The following CLPB variants were observed in gnomAD, a reference collection of about 807,000 sequenced individuals.
CLPB encodes the protein ClpB family mitochondrial disaggregase, also known as mitochondrial disaggregase.
A neutral mutation model predicts 78.4 loss-of-function variants in CLPB; 40 were observed. That is an observed-to-expected ratio of 0.51 (90% confidence interval 0.40 to 0.66). The LOEUF is 0.66. CLPB is among the 30% of genes least tolerant of loss of function. The pLI is 0.00. For synonymous variants in CLPB, 333 were observed against 348.0 expected (o/e 0.96, Z 0.48); for missense variants, 780 against 886.9 (o/e 0.88, Z 1.53).
At position 72,286,447 on chromosome 11, in the gene CLPB, T is replaced by A. The variant is rs1590744946; in HGVS notation, c.*6920A>T. ...AAACAATACAAAGAATTCATGTACA[T>A]CATTCCCTCAGATTTCCCAAATGTT... is the stretch of plus-strand genomic sequence containing the variant. On this transcript the variant is annotated 3_prime_UTR_variant, in exon 16 of 16. Coordinates refer to ENST00000538039, the MANE Select transcript of CLPB (RefSeq NM_001258392.3). 6.6e-6 allele frequency: 1 copy of A among 151,638 alleles called. No individual in the cohort carries two copies. Among genetic ancestry groups the A allele is most frequent in the African/African-American group, 2.4e-5 (1 of 41,272 alleles). 9.4% of individuals were successfully genotyped at this position (151,638 alleles called of 1,614,324 possible).
chr11:72,348,937 T>C (rs980287158), intron 5 of CLPB, among the ~76,000 whole-genome samples: 3 of 152,232 alleles, frequency 2.0e-5, no homozygotes, highest in African/African-American at 4.8e-5. Flanking sequence ...GAAGGAGAGA[T>C]ATATTAATCA....
chr11:72,356,890 G>A (rs1950727948), intron 5 of CLPB: 1 of 152,254 alleles, frequency 6.6e-6, no homozygotes, highest in African/African-American at 2.4e-5. Flanking sequence ...TGGGAGTATT[G>A]ATTGATTTTA....
chr11:72,421,303 C>G (rs772394199), intron 2 of CLPB, among the ~76,000 whole-genome samples: 7 of 152,158 alleles, frequency 4.6e-5, no homozygotes, highest in Admixed American at 6.5e-5. Flanking sequence ...CTTCTTGCCC[C>G]TCCTTCCCTA....
intron 4 of CLPB, among the ~76,000 whole-genome samples, chr11:72,368,916 T>A (rs926591973): frequency 6.6e-6 from 1 of 152,178 alleles, no homozygotes; most frequent in Admixed American, 6.5e-5. Context: ...GGACCTCACC[T>A]CATTATCACC....
chr11:72,352,841 G>A (rs2135593784), intron 5 of CLPB: 1 of 152,370 alleles, frequency 6.6e-6, no homozygotes, highest in East Asian at 1.9e-4. Context: ...AGCTGGAAGG[G>A]GTCCTTGGGA....
At chr11:72,304,477 C>A (rs1276617210) in intron 9 of CLPB, among the ~76,000 whole-genome samples, 2 of 152,170 alleles carry the variant, frequency 1.3e-5, no homozygotes, top group Non-Finnish European at 2.9e-5. Context: ...ATAACTAAGT[C>A]TTTTGGGCTC....
At chr11:72,373,017 G>A in intron 4 of CLPB, 1 of 1,613,454 alleles carries the variant, frequency 6.2e-7, no homozygotes, top group Non-Finnish European at 8.5e-7. Context: ...TCCCCCATCT[G>A]AAGACACAGA....
Position 72,414,956 on chromosome 11 carries a change from G to A in CLPB, c.456-11904C>T, listed in dbSNP as rs138660082. On this transcript the variant is annotated intron_variant, in intron 2 of 15. Transcript: ENST00000538039. The stretch of plus-strand genomic sequence containing the variant: ...GGCCAGGCTGGGAACGGTGGTTCAC[G>A]CCTGTAATCCCAGTACTTTGAGAGG... Among the ~76,000 whole-genome samples, 1,018 of 152,238 alleles carry A rather than the reference G, an allele frequency of 6.7e-3. 11 individuals are homozygous for A. The highest frequency in any genetic ancestry group is 0.023 in the African/African-American group (974 of 41,530).
intron 2 of CLPB, among the ~76,000 whole-genome samples, chr11:72,410,074 T>TA (rs1855832235): frequency 1.3e-5 from 2 of 151,572 alleles, no homozygotes. Flanking sequence ...ATTAAAAATA[T>TA]AAAAAATTAG....
At chr11:72,339,581 G>T (rs1565447788) in intron 5 of CLPB, among the ~76,000 whole-genome samples, 1 of 152,126 alleles carries the variant, frequency 6.6e-6, no homozygotes, top group East Asian at 1.9e-4. Flanking sequence ...CTTATATACT[G>T]GTTTACAGAT....
At chr11:72,377,946 C>T (rs1735006950) in intron 4 of CLPB, among the ~76,000 whole-genome samples, 2 of 152,156 alleles carry the variant, frequency 1.3e-5, no homozygotes, top group Non-Finnish European at 2.9e-5. Flanking sequence ...ATCAACTGGC[C>T]CACAAAGCTT....
chr11:72,294,067 G>T lies in CLPB; in HGVS notation c.1740C>A (p.Val580=). ...LWDREVADVL[V]DGYNVHYGAR... is the part of the protein sequence containing the mutation. ...CGCCATAGTGCACATTGTAGCCGTC[G>T]ACCAGCACATCTGCCACCTCGCGGT... Residue 580 remains valine, a synonymous_variant, in exon 15 of 16, where the codon GTC becomes GTA. Coordinates refer to ENST00000538039, the MANE Select transcript of CLPB (RefSeq NM_001258392.3). The T allele has an allele frequency of 6.2e-7, 1 of 1,614,118 alleles. No individual in the cohort carries two copies. Among genetic ancestry groups the T allele is most frequent in the South Asian group, 1.1e-5 (1 of 91,046 alleles).
chr11:72,305,570 A>T (rs753140342), intron 9 of CLPB, among the ~76,000 whole-genome samples: 12 of 152,226 alleles, frequency 7.9e-5, no homozygotes, highest in Non-Finnish European at 1.6e-4. Context: ...GCCTAGGGCC[A>T]GTAGAAAGTA....
intron 3 of CLPB, among the ~76,000 whole-genome samples, chr11:72,398,612 G>A (rs1429639485): frequency 3.3e-5 from 5 of 152,206 alleles, no homozygotes; most frequent in South Asian, 2.1e-4. Context: ...TGCACAAGCC[G>A]GTGAAGGCTA....
At chr11:72,370,053 G>A (rs1331124596) in intron 4 of CLPB, among the ~76,000 whole-genome samples, 2 of 152,118 alleles carry the variant, frequency 1.3e-5, no homozygotes, top group South Asian at 2.1e-4. Context: ...CAATCACTAG[G>A]TGCCTGGAAA....
chr11:72,302,394 G>C (rs1468001742), intron 9 of CLPB, 46 bp from the exon 10 acceptor site: 1 of 1,573,326 alleles, frequency 6.4e-7, no homozygotes, highest in African/African-American at 1.3e-5. Flanking sequence ...AGGCAGGAAA[G>C]TGAAGAGAAG....
intron 3 of CLPB, among the ~76,000 whole-genome samples, chr11:72,388,547 G>A (rs191899091): frequency 2.6e-5 from 4 of 152,126 alleles, no homozygotes; most frequent in Admixed American, 1.3e-4. Flanking sequence ...CACCATACCC[G>A]GCCCTCCCTT....
chr11:72,375,548 C>T (rs969163712), intron 4 of CLPB, among the ~76,000 whole-genome samples: 6 of 152,214 alleles, frequency 3.9e-5, no homozygotes, highest in African/African-American at 1.4e-4. Flanking sequence ...AGACCCAATT[C>T]AAGGTCACTT....
rs969234888 is a variant in CLPB at position 72,287,851 on chromosome 11, T to G, written c.*5516A>C. The G allele has an allele frequency of 3.3e-5, 5 of 152,212 alleles. No individual in the cohort carries two copies. Among genetic ancestry groups the G allele is most frequent in the African/African-American group, 9.6e-5 (4 of 41,470 alleles). The allele number at this position is 152,212 out of a possible 1,614,324, so 9.4% of individuals were successfully genotyped here. A position where few individuals can be genotyped will look rare whatever the true frequency, so the allele number is the denominator to read the frequency against. Reference sequence around the variant, plus strand: ...TCAATATATATGGTTATGTCTAATTTCTCATGCCTAATTTTGTTAATTTTT... The same window carrying G: ...TCAATATATATGGTTATGTCTAATTGCTCATGCCTAATTTTGTTAATTTTT... On this transcript the variant is annotated 3_prime_UTR_variant, in exon 16 of 16. Transcript: ENST00000538039.
Sources: allele counts gnomAD v4.1 joint callset (sites outside exome capture counted in the v4.1 genomes callset), GRCh38; gene constraint gnomAD v4.1.1; transcripts MANE v1.5; gene names NCBI Gene and HGNC (gene_info 2026-07-23, HGNC 2026-07-21).